The following LYZL2 variants were observed in gnomAD, a reference collection of about 807,000 sequenced individuals.
LYZL2 encodes the protein lysozyme-like protein 2.
A neutral mutation model predicts 17.1 loss-of-function variants in LYZL2; 13 were observed. That is an observed-to-expected ratio of 0.76 (90% CI 0.49 to 1.21). The LOEUF (loss-of-function observed/expected upper bound fraction) is 1.21, where lower values mean the gene tolerates loss of function less well. Among genes scored for constraint, LYZL2 ranks in the 50% most tolerant of loss-of-function variants. LYZL2 has a pLI of 0.00. For synonymous variants in LYZL2, 63 were observed against 74.4 expected, an observed-to-expected ratio of 0.85 and a Z score of 0.79; for missense variants, 166 against 189.2, an observed-to-expected ratio of 0.88 and a Z score of 0.72.
chr10:30,613,602 C>T (rs769964086), intron 3 of LYZL2, among the ~76,000 whole-genome samples: 2 of 151,584 alleles, frequency 1.3e-5, no homozygotes, highest in Non-Finnish European at 2.9e-5. Context: ...TAAATTTTGT[C>T]TATTGTCATT....
At chr10:30,620,970 TG>T (rs1262532776) in intron 3 of LYZL2, among the ~76,000 whole-genome samples, 5 of 152,018 alleles carry the variant, frequency 3.3e-5, no homozygotes, top group Admixed American at 3.3e-4. Flanking sequence ...CAATGATGAA[TG>T]GTACAGCATC....
intron 1 of LYZL2, among the ~76,000 whole-genome samples, chr10:30,628,953 A>G (rs1838762258): frequency 6.6e-6 from 1 of 152,256 alleles, no homozygotes; most frequent in African/African-American, 2.4e-5. Flanking sequence ...TTCCTGCTGC[A>G]GTGGCAGAGT....
downstream of LYZL2, among the ~76,000 whole-genome samples, chr10:30,608,543 C>G (rs1178968388): frequency 6.6e-6 from 1 of 152,104 alleles, no homozygotes; most frequent in Non-Finnish European, 1.5e-5. Context: ...CGTAAAGGAA[C>G]TAGGACACGT....
At chr10:30,617,210 C>A (rs745351210) in intron 3 of LYZL2, among the ~76,000 whole-genome samples, 1 of 152,062 alleles carries the variant, frequency 6.6e-6, no homozygotes, top group Non-Finnish European at 1.5e-5. Flanking sequence ...GGGGGCAGGG[C>A]AGTTTGCTTG....
intron 4 of LYZL2, among the ~76,000 whole-genome samples, chr10:30,612,460 A>G (rs1276930054): frequency 6.6e-6 from 1 of 152,226 alleles, no homozygotes; most frequent in Non-Finnish European, 1.5e-5. Flanking sequence ...ATGTTGCCGT[A>G]ACCTTCAAAA....
intron 4 of LYZL2, among the ~76,000 whole-genome samples, chr10:30,612,555 A>G (rs1838461322): frequency 6.6e-6 from 1 of 152,216 alleles, no homozygotes; most frequent in Non-Finnish European, 1.5e-5. Context: ...CACTTTAGAA[A>G]ATACCTTTCT....
chr10:30,612,076 C>T, intron 4 of LYZL2, 52 bp from the exon 5 acceptor site: 1 of 1,599,292 alleles, frequency 6.3e-7, no homozygotes, highest in Non-Finnish European at 8.6e-7. Context: ...ACAATCCAAA[C>T]CGTCTCAGTT....
intron 3 of LYZL2, among the ~76,000 whole-genome samples, chr10:30,623,080 A>T (rs1232514484): frequency 6.6e-6 from 1 of 152,234 alleles, no homozygotes; most frequent in Non-Finnish European, 1.5e-5. Context: ...TCCAGTGATA[A>T]AAGAGTCAAT....
At chr10:30,615,625 A>G (rs61846093) in intron 3 of LYZL2, among the ~76,000 whole-genome samples, 5 of 152,210 alleles carry the variant, frequency 3.3e-5, no homozygotes, top group African/African-American at 4.8e-5. Flanking sequence ...TCATTTCCCA[A>G]TGTATAAATA....
intron 3 of LYZL2, among the ~76,000 whole-genome samples, chr10:30,615,456 G>A (rs1470989506): frequency 8.5e-5 from 13 of 152,154 alleles, no homozygotes; most frequent in Non-Finnish European, 1.2e-4. Context: ...GTAAGCTATT[G>A]TGACCATAGT....
intron 1 of LYZL2, 88 bp downstream of exon 1, chr10:30,629,505 C>G (rs1838771891): frequency 1.5e-6 from 2 of 1,359,152 alleles, no homozygotes; most frequent in Non-Finnish European, 1.0e-6. Context: ...CAATGATAAC[C>G]CCAAGCATCA....
At chr10:30,606,976 C>G (rs76825267), downstream of LYZL2, among the ~76,000 whole-genome samples, 1 of 149,534 alleles carries the variant, frequency 6.7e-6, no homozygotes, top group Non-Finnish European at 1.5e-5. Flanking sequence ...TGCAGTGGTG[C>G]GATCTTGGCT....
downstream of LYZL2, among the ~76,000 whole-genome samples, chr10:30,610,462 A>G (rs1431793216): frequency 6.6e-6 from 1 of 152,162 alleles, no homozygotes; most frequent in African/African-American, 2.4e-5. Flanking sequence ...CAAACACCAC[A>G]TGTTCTCACT....
In LYZL2 at chr10:30,626,402, T is replaced by G. The variant is rs867512900; in HGVS notation, c.140-139A>C. The stretch of plus-strand genomic sequence containing the variant: ...CCTTGGGCAGGGCAGGGCGGGCATG[T>G]GCCCAGGGGGCACACGAGGGGCACA... On this transcript the variant is annotated intron_variant, in intron 2 of 4. Transcript: ENST00000647634. The G allele has an allele frequency of 1.5e-4, 192 of 1,319,756 alleles. No individual in the cohort carries two copies. The African/African-American group carries it at 2.8e-3, about 19-fold the overall frequency. The allele number at this position is 1,319,756 out of a possible 1,614,324, so 81.8% of individuals were successfully genotyped here.
chr10:30,607,068 G>A (rs937230858), downstream of LYZL2, among the ~76,000 whole-genome samples: 6 of 151,404 alleles, frequency 4.0e-5, no homozygotes, highest in South Asian at 4.2e-4. Context: ...CCGCCACCAC[G>A]CCTGGCTAAT....
At chr10:30,621,499 A>G (rs1177297132) in intron 3 of LYZL2, among the ~76,000 whole-genome samples, 2 of 151,858 alleles carry the variant, frequency 1.3e-5, no homozygotes, top group African/African-American at 2.4e-5. Context: ...CATGAGAATT[A>G]CTTGAGTCCA....
At chr10:30,607,565 C>T (rs1442965669), downstream of LYZL2, among the ~76,000 whole-genome samples, 1 of 152,106 alleles carries the variant, frequency 6.6e-6, no homozygotes, top group African/African-American at 2.4e-5. Context: ...CTGAGTGTCC[C>T]CTGTTCCGTT....
chr10:30,626,962 G>C lies in LYZL2; in HGVS notation c.-25-22C>G, dbSNP rs369036975. 3.7e-6 allele frequency: 6 copies of C among 1,612,152 alleles called. No individual in the cohort carries two copies. In the African/African-American group the frequency reaches 8.0e-5, roughly 22 times the overall value. On this transcript the variant is annotated intron_variant, in intron 1 of 4. Coordinates refer to ENST00000647634, the MANE Select transcript of LYZL2 (RefSeq NM_183058.3). ...GAACCTGCCAAAGAGCCGGAGAACA[G>C]GTCAGACGATCTTGATTCAGGAACT...
chr10:30,615,709 A>G (rs1161549834), intron 3 of LYZL2, among the ~76,000 whole-genome samples: 1 of 152,208 alleles, frequency 6.6e-6, no homozygotes, highest in East Asian at 1.9e-4. Context: ...TAAAGCTGGG[A>G]AAAATATAAA....
Sources: gnomAD v4.1 joint callset for allele counts (sites outside exome capture counted in the v4.1 genomes callset) on GRCh38, gnomAD v4.1.1 for gene constraint, MANE v1.5 for transcripts, NCBI Gene and HGNC (gene_info 2026-07-23, HGNC 2026-07-21) for gene names.